The following SLC20A2 variants were observed in gnomAD, a reference collection of about 807,000 sequenced individuals.
The protein encoded by SLC20A2 is sodium-dependent phosphate transporter 2.
In SLC20A2, 30 loss-of-function variants were observed where a neutral mutation model predicts 61.0. The ratio of observed to expected loss-of-function variants is 0.49; its 90% CI spans 0.37 to 0.67. The LOEUF (loss-of-function observed/expected upper bound fraction) is 0.67, where lower values mean the gene tolerates loss of function less well. Among genes scored for constraint, SLC20A2 ranks in the 30% least tolerant of loss-of-function variants. The probability of loss-of-function intolerance (pLI) is 0.00; values close to 1 mark genes in which losing one functional copy is unlikely to be tolerated. For synonymous variants in SLC20A2, 351 were observed against 353.3 expected, an observed-to-expected ratio of 0.99 and a Z score of 0.07; for missense variants, 626 against 866.4, an observed-to-expected ratio of 0.72 and a Z score of 3.48.
intron 2 of SLC20A2, among the ~76,000 whole-genome samples, chr8:42,470,571 G>A (rs528470054): frequency 6.6e-5 from 10 of 152,160 alleles, no homozygotes; most frequent in Non-Finnish European, 1.5e-4. Flanking sequence ...AGTGCTTGGT[G>A]AATATGCAAT....
chr8:42,435,434 T>G (rs11993672), intron 8 of SLC20A2, among the ~76,000 whole-genome samples: 7,543 of 152,172 alleles, frequency 0.05, 376 homozygotes, highest in African/African-American at 0.13. Flanking sequence ...CTGAGCATAT[T>G]ACACAGGGGA....
At chr8:42,518,343 T>C (rs1248971316) in intron 1 of SLC20A2, among the ~76,000 whole-genome samples, 1 of 152,242 alleles carries the variant, frequency 6.6e-6, no homozygotes, top group Non-Finnish European at 1.5e-5. Context: ...CAAATGGCTA[T>C]TCATATTTTA....
chr8:42,458,500 G>C (rs1806382453), intron 5 of SLC20A2, among the ~76,000 whole-genome samples: 1 of 151,736 alleles, frequency 6.6e-6, no homozygotes, highest in Non-Finnish European at 1.5e-5. Flanking sequence ...GCACACACCT[G>C]TGGTTCCGGC....
Position 42,521,039 on chromosome 8 carries a change from G to A in SLC20A2, c.-265+20782C>T, listed in dbSNP as rs1392163974. ...CTGTTTATAAGTGCTGACTGCATTA[G>A]CATGTATATTCAAAAAAGCCTAATG... On this transcript the variant is annotated intron_variant, in intron 1 of 10. Coordinates refer to the SLC20A2 transcript ENST00000342228. Among the ~76,000 whole-genome samples, 13 of 120,854 alleles carry A rather than the reference G, an allele frequency of 1.1e-4. 2 individuals carry two copies. Among genetic ancestry groups the A allele is most frequent in the African/African-American group, 2.8e-4 (11 of 39,324 alleles). The allele number at this position is 120,854 out of a possible 152,430, so 79.3% of individuals were successfully genotyped here. A position where few individuals can be genotyped will look rare whatever the true frequency, so the allele number is the denominator to read the frequency against.
rs1447581441 is a variant in SLC20A2, at chr8:42,416,497, T to C, written c.*1306A>G. On this transcript the variant is annotated 3_prime_UTR_variant, in exon 11 of 11. Coordinates refer to ENST00000520262, the MANE Select transcript of SLC20A2 (RefSeq NM_001257180.2). ...AACTTCTGAGGGGCATTTTTTATTA[T>C]AAATTTAATATGGTTGATTAATGAA... 6.6e-6 allele frequency: 1 copy of C among 152,658 alleles called. No homozygotes were observed. The highest frequency in any genetic ancestry group is 1.5e-5 in the Non-Finnish European group (1 of 68,032). 9.5% of individuals were successfully genotyped at this position (152,658 alleles called of 1,614,324 possible).
chr8:42,469,577 T>G (rs890578285), intron 2 of SLC20A2, among the ~76,000 whole-genome samples: 1 of 152,132 alleles, frequency 6.6e-6, no homozygotes, highest in Non-Finnish European at 1.5e-5. Flanking sequence ...ACAAATTTCT[T>G]TAATAAGCAG....
At chr8:42,483,631 T>C (rs567265166) in intron 1 of SLC20A2, among the ~76,000 whole-genome samples, 1 of 152,372 alleles carries the variant, frequency 6.6e-6, no homozygotes, top group South Asian at 2.1e-4. Flanking sequence ...CCTTTCTTCC[T>C]TTCCGTATGC....
At chr8:42,445,298 A>T (rs1211025109) in intron 5 of SLC20A2, among the ~76,000 whole-genome samples, 2 of 152,160 alleles carry the variant, frequency 1.3e-5, no homozygotes, top group African/African-American at 4.8e-5. Context: ...TCTCAAAAAA[A>T]ACAATAAATA....
chr8:42,532,827 C>T (rs762263915), intron 1 of SLC20A2, among the ~76,000 whole-genome samples: 1 of 151,998 alleles, frequency 6.6e-6, no homozygotes, highest in Non-Finnish European at 1.5e-5. Flanking sequence ...GGACCACAGG[C>T]GAGGGTGAAG....
At chr8:42,513,028 T>C (rs896850443) in intron 1 of SLC20A2, among the ~76,000 whole-genome samples, 4 of 152,216 alleles carry the variant, frequency 2.6e-5, no homozygotes, top group Non-Finnish European at 4.4e-5. Context: ...TAAAGTAATC[T>C]CTCTCAAAAC....
At chr8:42,434,146 G>A (rs1804065380) in intron 8 of SLC20A2, among the ~76,000 whole-genome samples, 1 of 150,324 alleles carries the variant, frequency 6.7e-6, no homozygotes, top group Non-Finnish European at 1.5e-5. Context: ...GAGTGCAGTG[G>A]TGTAATTTCG....
Position 42,437,682 on chromosome 8 carries a change from A to C in SLC20A2, c.935-105T>G. 1 of 954,594 alleles carries C rather than the reference A, an allele frequency of 1.0e-6. No individual in the cohort carries two copies. The highest frequency in any genetic ancestry group is 1.5e-6 in the Non-Finnish European group (1 of 679,908). The allele number at this position is 954,594 out of a possible 1,614,324, so 59.1% of individuals were successfully genotyped here. On this transcript the variant is annotated intron_variant, in intron 7 of 10. Coordinates refer to ENST00000520262, the MANE Select transcript of SLC20A2 (RefSeq NM_001257180.2). The surrounding 1 kb of genome is among the most constrained non-coding windows in gnomAD (Gnocchi z 6.4). ...TCCTCAGGGTGGAGTACAATGGCGC[A>C]ATCTCGGCTCACTGCAACCTTCGCC...
At chr8:42,454,775 T>C (rs1373127712) in intron 5 of SLC20A2, among the ~76,000 whole-genome samples, 1 of 152,104 alleles carries the variant, frequency 6.6e-6, no homozygotes, top group Non-Finnish European at 1.5e-5. Flanking sequence ...CTTGCTATGT[T>C]GCCAAGGCTG....
intron 8 of SLC20A2, among the ~76,000 whole-genome samples, chr8:42,434,591 G>C (rs1466310737): frequency 6.6e-6 from 1 of 152,164 alleles, no homozygotes; most frequent in African/African-American, 2.4e-5. Context: ...CCATCTCTGA[G>C]AGACACCCGC....
At chr8:42,439,853 G>T (rs1039821702) in intron 6 of SLC20A2, among the ~76,000 whole-genome samples, 200 bp from the exon 7 acceptor site, 1 of 152,102 alleles carries the variant, frequency 6.6e-6, no homozygotes, top group Non-Finnish European at 1.5e-5. Flanking sequence ...TTGGGAGGCC[G>T]AAGCAGGTGG....
intron 5 of SLC20A2, among the ~76,000 whole-genome samples, chr8:42,454,906 T>G (rs1296385118): frequency 6.6e-6 from 1 of 151,786 alleles, no homozygotes; most frequent in African/African-American, 2.4e-5. Context: ...GGTGGCTGCT[T>G]CTTCACACTA....
At chr8:42,420,664 CT>C (rs1264233085) in intron 10 of SLC20A2, among the ~76,000 whole-genome samples, 1 of 152,170 alleles carries the variant, frequency 6.6e-6, no homozygotes, top group African/African-American at 2.4e-5. Flanking sequence ...CTACTCTGTT[CT>C]TATCCAGGTA....
upstream of SLC20A2, chr8:42,501,462 T>A (rs1333043482): frequency 6.6e-6 from 1 of 152,256 alleles, no homozygotes; most frequent in Non-Finnish European, 1.5e-5. Flanking sequence ...TTTAAGCACA[T>A]TCAAATCAGA....
chr8:42,444,609 G>C (rs1199119558), intron 6 of SLC20A2, 37 bp downstream of exon 6: 30 of 1,486,924 alleles, frequency 2.0e-5, no homozygotes, highest in Non-Finnish European at 2.8e-5. Flanking sequence ...GGAATCGGGA[G>C]CATTTCTGTA....
Sources: allele counts gnomAD v4.1 joint callset (sites outside exome capture counted in the v4.1 genomes callset), GRCh38; gene constraint gnomAD v4.1.1; non-coding constraint Gnocchi (gnomAD v3.1); transcripts MANE v1.5; gene names NCBI Gene and HGNC (gene_info 2026-07-23, HGNC 2026-07-21).